Variants in VPS13D observed in about 807,000 individuals in gnomAD.
VPS13D encodes the protein intermembrane lipid transfer protein VPS13D.
In VPS13D, 187 loss-of-function variants were observed where a neutral mutation model predicts 461.9. The observed-to-expected ratio is 0.40, with a 90% CI of 0.36 to 0.46. The LOEUF is 0.46. VPS13D is among the 20% of genes least tolerant of loss of function. The pLI is 0.60. For synonymous variants in VPS13D, 1,951 were observed against 1,986.3 expected (o/e 0.98, Z 0.47); for missense variants, 4,711 against 5,364.9 (o/e 0.88, Z 3.81).
chr1:12,501,879 G>A (rs371529955), intron 68 of VPS13D, among the ~76,000 whole-genome samples: 2 of 152,208 alleles, frequency 1.3e-5, no homozygotes, highest in African/African-American at 2.4e-5. Flanking sequence ...TGCAGGAGGC[G>A]GAGGAATGTG....
At chr1:12,370,432 G>A (rs1170413364) in intron 54 of VPS13D, among the ~76,000 whole-genome samples, 2 of 152,288 alleles carry the variant, frequency 1.3e-5, no homozygotes, top group Admixed American at 6.5e-5. Flanking sequence ...TGAATAGGGC[G>A]TTTAAAGTCA....
intron 28 of VPS13D, 70 bp downstream of exon 28, chr1:12,311,695 C>G: frequency 6.3e-7 from 1 of 1,591,712 alleles, no homozygotes; most frequent in Non-Finnish European, 8.6e-7. Context: ...GTATCTATTC[C>G]TCAAACTCAC....
At chr1:12,250,054 G>A (rs1465116668) in intron 6 of VPS13D, among the ~76,000 whole-genome samples, 1 of 152,152 alleles carries the variant, frequency 6.6e-6, no homozygotes, top group Non-Finnish European at 1.5e-5. Flanking sequence ...AATTTGCTAG[G>A]ATGGCTCACA....
chr1:12,288,496 C>T (rs1642036715), intron 22 of VPS13D, among the ~76,000 whole-genome samples, 183 bp downstream of exon 22: 2 of 152,124 alleles, frequency 1.3e-5, no homozygotes, highest in South Asian at 4.1e-4. Context: ...TCAGAATCAT[C>T]TGGATAGCTT....
chr1:12,500,035 A>AT (rs1037166750), intron 68 of VPS13D: 10 of 985,114 alleles, frequency 1.0e-5, no homozygotes, highest in Non-Finnish European at 1.2e-5. Context: ...ATGTTTCCAC[A>AT]TTTTTTTCCA....
intron 63 of VPS13D, among the ~76,000 whole-genome samples, chr1:12,411,193 C>A (rs529338119): frequency 3.3e-5 from 5 of 152,044 alleles, no homozygotes; most frequent in African/African-American, 1.2e-4. Context: ...GTAGAAAACA[C>A]GATCGTTTAC....
At chr1:12,428,695 C>T (rs535367737) in intron 65 of VPS13D, among the ~76,000 whole-genome samples, 6 of 152,266 alleles carry the variant, frequency 3.9e-5, no homozygotes, top group African/African-American at 7.2e-5. Flanking sequence ...CCCATGGCCC[C>T]GTGTGCTTCC....
rs2101371722 is a variant in VPS13D, at chr1:12,279,636, G to A, written c.4588G>A (p.Val1530Ile). 6.2e-7 allele frequency: 1 copy of A among 1,611,828 alleles called. No individual in the cohort carries two copies. Among genetic ancestry groups the A allele is most frequent in the Non-Finnish European group, 8.5e-7 (1 of 1,178,514 alleles). ...SSIMKIEGKF[V>I]NPVQVVLAKH... Reference sequence around the variant, plus strand: ...CATCATGAAGATTGAAGGAAAATTTGTCAATCCAGTTCAGGTAAATTCATG... The same window carrying A: ...CATCATGAAGATTGAAGGAAAATTTATCAATCCAGTTCAGGTAAATTCATG... Residue 1530 changes from valine (V) to isoleucine (I), a missense_variant, in exon 20 of 70, where the codon GTC (valine) becomes ATC (isoleucine). Coordinates refer to ENST00000620676, the MANE Select transcript of VPS13D (RefSeq NM_015378.4). The surrounding 1 kb of genome is among the most constrained non-coding windows in gnomAD (Gnocchi z 4.3).
At chr1:12,349,399 T>C in intron 46 of VPS13D, 25 bp downstream of exon 46, 1 of 1,604,222 alleles carries the variant, frequency 6.2e-7, no homozygotes, top group Non-Finnish European at 8.5e-7. Context: ...TGCAGTGACA[T>C]GTCACTTTTG....
intron 44 of VPS13D, among the ~76,000 whole-genome samples, chr1:12,347,596 T>C (rs1643703706): frequency 6.6e-6 from 1 of 152,122 alleles, no homozygotes; most frequent in Non-Finnish European, 1.5e-5. Flanking sequence ...CTCTAGAAAA[T>C]TGTAGTTTGC....
At chr1:12,374,434 A>T (rs1644169261) in intron 55 of VPS13D, among the ~76,000 whole-genome samples, 1 of 152,168 alleles carries the variant, frequency 6.6e-6, no homozygotes, top group Non-Finnish European at 1.5e-5. Flanking sequence ...ATTTCCAGAA[A>T]ATTGGCAAGA....
rs1174394704 is a variant in VPS13D, at chr1:12,404,116, T to A, written c.12030+143T>A. The A allele has an allele frequency of 3.1e-5, 19 of 616,090 alleles. No homozygotes were observed. In the African/African-American group the frequency reaches 3.7e-4, roughly 12 times the overall value. 38.2% of individuals were successfully genotyped at this position (616,090 alleles called of 1,614,324 possible). A position where few individuals can be genotyped will look rare whatever the true frequency, so the allele number is the denominator to read the frequency against. The stretch of plus-strand genomic sequence containing the variant: ...ATCATTCATAGCAGACATTTTATTT[T>A]TACAGATTTCCTTTTTCAGAAGGTT... On this transcript the variant is annotated intron_variant, in intron 63 of 69. Transcript: ENST00000620676.
chr1:12,427,241 T>TA (rs1491144194), intron 65 of VPS13D, among the ~76,000 whole-genome samples: 1,519 of 117,752 alleles, frequency 0.013, 26 homozygotes, highest in African/African-American at 0.049. Context: ...ATTGTCATTA[T>TA]TTTATTATTA....
rs896198051 is a variant in VPS13D at position 12,258,290 on chromosome 1, G to A, written c.1110+187G>A. ...GAGCATCCTCCACCTTCTGCTGCCC[G>A]AGGAGAGCCGGGCCATGGGGTAGGA... On this transcript the variant is annotated intron_variant, in intron 10 of 69. Transcript: ENST00000620676. 3.3e-5 allele frequency among the ~76,000 whole-genome samples: 5 copies of A among 152,180 alleles called. No homozygotes were observed. The East Asian group carries it at 7.7e-4, about 23-fold the overall frequency.
In VPS13D at chr1:12,268,829, T is replaced by C; in HGVS notation, c.1925T>C (p.Ile642Thr). The change falls in exon 16 of 70, where the codon ATT becomes ACT. Residue 642 changes from isoleucine (I) to threonine (T), a missense_variant. Transcript: ENST00000620676. ...PLNIIYNPQA[I>T]KKVADFFYKG... ...AACATCATATACAATCCGCAGGCCA[T>C]TAAAAAAGTAGCAGACTTTTTCTAC... The C allele has an allele frequency of 6.2e-7, 1 of 1,613,630 alleles. No individual in the cohort carries two copies. Among genetic ancestry groups the C allele is most frequent in the Non-Finnish European group, 8.5e-7 (1 of 1,179,826 alleles).
At chr1:12,478,874 G>A (rs957850299) in intron 67 of VPS13D, 4 of 455,856 alleles carry the variant, frequency 8.8e-6, no homozygotes, top group African/African-American at 8.0e-5. Context: ...GGTGGCAGAG[G>A]TGGGTCAGAT....
chr1:12,245,037 T>A lies in VPS13D; in HGVS notation c.447+420T>A, dbSNP rs376302080. ...CTGTAAAAGAGAGAGGTTGGATGCC[T>A]GGTCTCTAGTTGGTTACATAGTGAG... On this transcript the variant is annotated intron_variant, in intron 5 of 69. Transcript: ENST00000620676. 2.7e-4 allele frequency among the ~76,000 whole-genome samples: 41 copies of A among 152,328 alleles called. 3 individuals carry two copies. The highest frequency in any genetic ancestry group is 2.2e-3 in the Admixed American group (33 of 15,290).
chr1:12,360,377 C>G (rs1569999685), intron 50 of VPS13D, among the ~76,000 whole-genome samples: 1 of 152,162 alleles, frequency 6.6e-6, no homozygotes, highest in Non-Finnish European at 1.5e-5. Context: ...GACAGGCTTG[C>G]CAGGTAGCCT....
intron 65 of VPS13D, among the ~76,000 whole-genome samples, chr1:12,441,347 G>A (rs115236015): frequency 6.6e-6 from 1 of 152,264 alleles, no homozygotes; most frequent in East Asian, 1.9e-4. Flanking sequence ...GGCACTGTCC[G>A]GGGCGGGGGA....
Sources: gnomAD v4.1 joint callset for allele counts (sites outside exome capture counted in the v4.1 genomes callset) on GRCh38, gnomAD v4.1.1 for gene constraint, Gnocchi (gnomAD v3.1) non-coding constraint, MANE v1.5 for transcripts, NCBI Gene and HGNC (gene_info 2026-07-23, HGNC 2026-07-21) for gene names.